The following CTIF variants were observed in gnomAD, a reference collection of about 807,000 sequenced individuals.
The protein encoded by CTIF is cap binding complex dependent translation initiation factor.
In CTIF, 21 loss-of-function variants were observed where a neutral mutation model predicts 66.0. The observed-to-expected ratio is 0.32, with a 90% confidence interval of 0.23 to 0.46. The LOEUF is 0.46. Ranked by LOEUF, CTIF falls within the 20% of genes least tolerant of loss-of-function variation. CTIF has a pLI of 1.00. For synonymous variants in CTIF, 345 were observed against 326.4 expected (o/e 1.06, Z -0.62); for missense variants, 739 against 812.7 (o/e 0.91, Z 1.10).
intron 3 of CTIF, among the ~76,000 whole-genome samples, chr18:48,648,945 C>T (rs2091103618): frequency 1.3e-5 from 2 of 152,184 alleles, no homozygotes; most frequent in African/African-American, 4.8e-5. Context: ...CATGGTGAAA[C>T]CCTGTCTCTA....
At chr18:48,647,528 G>C (rs1174322235) in intron 3 of CTIF, among the ~76,000 whole-genome samples, 1 of 152,222 alleles carries the variant, frequency 6.6e-6, no homozygotes, top group Admixed American at 6.5e-5. Context: ...TAGGGCACAA[G>C]AGGTCTCTTT....
chr18:48,859,517 C>T lies in CTIF; in HGVS notation c.1755C>T (p.Ile585=), dbSNP rs770690788. ...GCTGGAACCCTCTGACGCCCCCCAT[C>T]ACGCAGTACTACAACAGAACCATCC... ...ANSWNPLTPP[I]TQYYNRTIQK... Residue 585 remains isoleucine (I), a synonymous_variant, in exon 12 of 12, where the codon ATC becomes ATT. Coordinates refer to ENST00000256413, the MANE Select transcript of CTIF (RefSeq NM_014772.3). The T allele has an allele frequency of 2.5e-6, 4 of 1,614,192 alleles. No homozygotes were observed. In the South Asian group the frequency reaches 4.4e-5, roughly 18 times the overall value.
chr18:48,576,134 G>A (rs141116219), intron 1 of CTIF, among the ~76,000 whole-genome samples: 109 of 152,366 alleles, frequency 7.2e-4, no homozygotes, highest in East Asian at 2.7e-3. Flanking sequence ...GCCCTGGCCC[G>A]AGAGGCGCCG....
chr18:48,802,551 G>A (rs935680696), intron 9 of CTIF, among the ~76,000 whole-genome samples: 1 of 152,236 alleles, frequency 6.6e-6, no homozygotes, highest in Non-Finnish European at 1.5e-5. Context: ...ACCTCAGAAG[G>A]TAGGCAGATC....
intron 6 of CTIF, among the ~76,000 whole-genome samples, chr18:48,678,204 G>GT (rs2091668421): frequency 6.6e-6 from 1 of 152,144 alleles, no homozygotes; most frequent in Non-Finnish European, 1.5e-5. Flanking sequence ...GGGTATCTCT[G>GT]TTTTTCTCTC....
intron 1 of CTIF, among the ~76,000 whole-genome samples, chr18:48,592,859 G>A (rs151265523): frequency 9.8e-5 from 15 of 152,352 alleles, no homozygotes; most frequent in African/African-American, 3.6e-4. Flanking sequence ...CAGGGAAAGA[G>A]GAACAAAGGG....
chr18:48,758,622 C>A (rs1408313684), intron 8 of CTIF, among the ~76,000 whole-genome samples: 1 of 152,106 alleles, frequency 6.6e-6, no homozygotes, highest in Non-Finnish European at 1.5e-5. Flanking sequence ...CACACTTGGG[C>A]TTTTCACCTT....
intron 3 of CTIF, among the ~76,000 whole-genome samples, chr18:48,646,640 G>A (rs1176585042): frequency 4.6e-5 from 7 of 151,802 alleles, no homozygotes; most frequent in East Asian, 1.9e-4. Context: ...CCAGCTGCTC[G>A]GAAGGCTGAG....
At chr18:48,729,720 G>T (rs2092420093) in intron 7 of CTIF, among the ~76,000 whole-genome samples, 1 of 152,248 alleles carries the variant, frequency 6.6e-6, no homozygotes, top group African/African-American at 2.4e-5. Context: ...GATCCGTGGT[G>T]ATCTGGAGTT....
At chr18:48,610,317 G>A (rs1035913716) in intron 1 of CTIF, among the ~76,000 whole-genome samples, 4 of 152,252 alleles carry the variant, frequency 2.6e-5, no homozygotes, top group African/African-American at 9.6e-5. Context: ...TATGGGCTTT[G>A]GGGGCAGACC....
intron 3 of CTIF, among the ~76,000 whole-genome samples, chr18:48,654,001 T>A (rs2091202863): frequency 6.6e-6 from 1 of 152,134 alleles, no homozygotes; most frequent in Non-Finnish European, 1.5e-5. Context: ...ACTTAAATGT[T>A]AGACCTAAAA....
intron 2 of CTIF, among the ~76,000 whole-genome samples, chr18:48,625,996 C>CTTTTTTTTTTTTTTTTTTTTTTTTTTTT (rs769138284): frequency 8.7e-6 from 1 of 114,488 alleles, no homozygotes. Flanking sequence ...ATTTCTTTTT[C>CTTTTTTTTTTTTTTTTTTTTTTTTTTTT]TTTCTTTTTT....
rs532890349 is a variant in CTIF, at chr18:48,805,676, C to T, written c.1372-11545C>T. The stretch of plus-strand genomic sequence containing the variant: ...CAAAAGTGAAACAAATGTCATGAGA[C>T]GGTGGCCTTGGAGCAGGGACTGGGA... On this transcript the variant is annotated intron_variant, in intron 9 of 11. Coordinates refer to ENST00000256413, the MANE Select transcript of CTIF (RefSeq NM_014772.3). Among the ~76,000 whole-genome samples the T allele has an allele frequency of 3.0e-4, 45 of 152,324 alleles. 1 individual carries two copies. Among genetic ancestry groups the T allele is most frequent in the Non-Finnish European group, 4.3e-4 (29 of 68,032 alleles).
At chr18:48,597,713 T>C (rs564344094) in intron 1 of CTIF, among the ~76,000 whole-genome samples, 1 of 152,260 alleles carries the variant, frequency 6.6e-6, no homozygotes, top group South Asian at 2.1e-4. Context: ...CATGAACCAA[T>C]GAAGCCTTTT....
At chr18:48,838,407 A>G (rs1272836901) in intron 10 of CTIF, among the ~76,000 whole-genome samples, 1 of 151,800 alleles carries the variant, frequency 6.6e-6, no homozygotes, top group Non-Finnish European at 1.5e-5. Context: ...CTCTCGGTGC[A>G]GTGGCCGCCT....
intron 10 of CTIF, among the ~76,000 whole-genome samples, chr18:48,855,559 C>T (rs2069309106): frequency 6.6e-6 from 1 of 152,232 alleles, no homozygotes. Context: ...AGCAACAGAA[C>T]CGTCTCTGCG....
chr18:48,701,875 A>G (rs138476229), intron 6 of CTIF, among the ~76,000 whole-genome samples: 2 of 152,318 alleles, frequency 1.3e-5, no homozygotes, highest in East Asian at 3.9e-4. Context: ...ATATAATAAG[A>G]TCAGCCCCAC....
At chr18:48,631,507 T>C (rs904969258) in intron 2 of CTIF, among the ~76,000 whole-genome samples, 2 of 148,286 alleles carry the variant, frequency 1.3e-5, no homozygotes, top group Non-Finnish European at 3.0e-5. Flanking sequence ...CATCCTGGGA[T>C]GTAAAGACAA....
At chr18:48,599,898 C>G (rs1366708996) in intron 1 of CTIF, among the ~76,000 whole-genome samples, 1 of 152,210 alleles carries the variant, frequency 6.6e-6, no homozygotes, top group Non-Finnish European at 1.5e-5. Context: ...CCAGCCTTAC[C>G]TGGCCTGTCA....
Sources: allele counts gnomAD v4.1 joint callset (sites outside exome capture counted in the v4.1 genomes callset), GRCh38; gene constraint gnomAD v4.1.1; transcripts MANE v1.5; gene names NCBI Gene and HGNC (gene_info 2026-07-23, HGNC 2026-07-21).